Variants in CASZ1 observed in about 807,000 individuals in gnomAD.
The protein encoded by CASZ1 is castor zinc finger 1.
CASZ1 carries 28 observed loss-of-function variants against 135.2 expected under a neutral mutation model. The ratio of observed to expected loss-of-function variants is 0.21; its 90% confidence interval spans 0.15 to 0.28. The LOEUF is 0.28. Ranked by LOEUF, CASZ1 falls within the 10% of genes least tolerant of loss-of-function variation. The pLI is 1.00. For missense variants in CASZ1, 2,161 were observed against 2,453.3 expected (o/e 0.88, Z 2.52); for synonymous variants, 1,068 against 1,073.4 (o/e 0.99, Z 0.10).
chr1:10,642,092 T>C (rs1005476056), intron 20 of CASZ1: 25 of 140,882 alleles, frequency 1.8e-4, no homozygotes, highest in African/African-American at 6.6e-4. Flanking sequence ...GGCGGGAAGC[T>C]GGGCGGGCTG....
chr1:10,754,314 C>T (rs1488265625), intron 2 of CASZ1, among the ~76,000 whole-genome samples: 2 of 152,234 alleles, frequency 1.3e-5, no homozygotes, highest in African/African-American at 4.8e-5. Flanking sequence ...CTCCCTCCAT[C>T]CGAATGTAAA....
At chr1:10,650,908 C>A in intron 12 of CASZ1, 33 bp downstream of exon 12, 1 of 1,607,080 alleles carries the variant, frequency 6.2e-7, no homozygotes. Flanking sequence ...GTGTGGTTCC[C>A]GGGGCTGGCT....
chr1:10,775,844 C>T (rs532431382), intron 1 of CASZ1, among the ~76,000 whole-genome samples: 1 of 152,260 alleles, frequency 6.6e-6, no homozygotes, highest in East Asian at 1.9e-4. Flanking sequence ...GTGACATGCC[C>T]TCCTACACCT....
rs896534152 is a variant in CASZ1, at chr1:10,726,036, G to C, written c.-76-20492C>G. Among the ~76,000 whole-genome samples, 2 of 152,160 alleles carry C rather than the reference G, an allele frequency of 1.3e-5. No homozygotes were observed. Among genetic ancestry groups the C allele is most frequent in the Non-Finnish European group, 2.9e-5 (2 of 68,028 alleles). On this transcript the variant is annotated intron_variant, in intron 2 of 20. Transcript: ENST00000377022. This position sits in a 1 kb window ranked among gnomAD's most constrained non-coding sequence, Gnocchi z 5.7. Reference sequence around the variant, plus strand: ...AGCATTTGCTGAGCAGTCACTATCTGTCAGGGGCTGTACCATCTCATTGAT... The same window carrying C: ...AGCATTTGCTGAGCAGTCACTATCTCTCAGGGGCTGTACCATCTCATTGAT...
chr1:10,653,682 T>C lies in CASZ1; in HGVS notation c.2375A>G (p.Asn792Ser), dbSNP rs144893147. 3.1e-5 allele frequency: 48 copies of C among 1,563,032 alleles called. No individual in the cohort carries two copies. The highest frequency in any genetic ancestry group is 4.5e-5 in the East Asian group (2 of 44,378). Residue 792 changes from asparagine to serine, a missense_variant, in exon 11 of 21, where the codon AAC becomes AGC. This residue lies in a region of CASZ1 where 406 missense variants were observed against 387.6 expected (regional missense o/e 1.05). Coordinates refer to ENST00000377022, the MANE Select transcript of CASZ1 (RefSeq NM_001079843.3). ...GSIPLALALS[N>S]SGLPTPTPYF... The stretch of plus-strand genomic sequence containing the variant: ...GGGCGTGGGGGTGGGCAGGCCCGAG[T>C]TGGAGAGGGCCAGGGCCAGGGGGAT...
At chr1:10,712,023 G>A (rs996799285) in intron 2 of CASZ1, among the ~76,000 whole-genome samples, 1 of 152,192 alleles carries the variant, frequency 6.6e-6, no homozygotes, top group Non-Finnish European at 1.5e-5. Flanking sequence ...CTCTGCAAAC[G>A]TACTTGATGC....
At chr1:10,749,921 G>A (rs1640118693) in intron 2 of CASZ1, among the ~76,000 whole-genome samples, 1 of 152,170 alleles carries the variant, frequency 6.6e-6, no homozygotes, top group Non-Finnish European at 1.5e-5. Flanking sequence ...GCTCACACGG[G>A]TCTCCGGAGC....
chr1:10,672,906 G>A (rs1054412551), intron 4 of CASZ1, among the ~76,000 whole-genome samples: 4 of 152,178 alleles, frequency 2.6e-5, no homozygotes, highest in Admixed American at 2.0e-4. Context: ...TTAATTTTGC[G>A]ATTTGGGGCA....
Position 10,657,352 on chromosome 1 carries a change from T to A in CASZ1, c.1410-616A>T, listed in dbSNP as rs1642839162. Among the ~76,000 whole-genome samples the A allele has an allele frequency of 6.6e-6, 1 of 152,114 alleles. No homozygotes were observed. Among genetic ancestry groups the A allele is most frequent in the African/African-American group, 2.4e-5 (1 of 41,418 alleles). On this transcript the variant is annotated intron_variant, in intron 7 of 20. Transcript: ENST00000377022. The surrounding 1 kb of genome is among the most constrained non-coding windows in gnomAD (Gnocchi z 5.7). ...TGGGACGTGGCTCCCACAGCCTCGGTGACGGCCGGCCGTGGGGAGGCCACT... is the reference window on the plus strand; with the variant it reads ...TGGGACGTGGCTCCCACAGCCTCGGAGACGGCCGGCCGTGGGGAGGCCACT...
In CASZ1 at chr1:10,694,049, C is replaced by T. The variant is rs1301032110; in HGVS notation, c.-23-137G>A. 1.4e-6 allele frequency: 1 copy of T among 722,808 alleles called. No homozygotes were observed. The allele number at this position is 722,808 out of a possible 1,614,324, so 44.8% of individuals were successfully genotyped here. The stretch of plus-strand genomic sequence containing the variant: ...TCCCGGGCGGGCGCCGAGGCCGCGG[C>T]GGAGAAACTTTCTCCTCCGCGCCGC... On this transcript the variant is annotated intron_variant, in intron 3 of 20. Coordinates refer to ENST00000377022, the MANE Select transcript of CASZ1 (RefSeq NM_001079843.3). This position sits in a 1 kb window ranked among gnomAD's most constrained non-coding sequence, Gnocchi z 6.6.
In CASZ1 at chr1:10,647,679, CAGAGAGGCTGGGG is replaced by C; in HGVS notation, c.3497+109_3497+121del. ...AGGACATCACCCGATGGCCATGCCCCAGAGAGGCTGGGGACAGCAGCACCATCCGCAGTGAGGA... is the reference window on the plus strand; with the variant it reads ...AGGACATCACCCGATGGCCATGCCCCACAGCAGCACCATCCGCAGTGAGGA... On this transcript the variant is annotated intron_variant, in intron 16 of 20. Coordinates refer to ENST00000377022, the MANE Select transcript of CASZ1 (RefSeq NM_001079843.3). This position sits in a 1 kb window ranked among gnomAD's most constrained non-coding sequence, Gnocchi z 4.9. 1 of 1,518,976 alleles carries C rather than the reference CAGAGAGGCTGGGG, an allele frequency of 6.6e-7. No homozygotes were observed. The allele number at this position is 1,518,976 out of a possible 1,614,324, so 94.1% of individuals were successfully genotyped here.
intron 17 of CASZ1, among the ~76,000 whole-genome samples, 160 bp from the exon 18 acceptor site, chr1:10,645,248 G>A (rs1189256559): frequency 2.0e-5 from 3 of 152,204 alleles, no homozygotes; most frequent in African/African-American, 7.2e-5. Flanking sequence ...AAGCAGCGCA[G>A]GGCCGGGCGC....
intron 4 of CASZ1, among the ~76,000 whole-genome samples, chr1:10,669,332 GT>G (rs1237502760): frequency 1.1e-4 from 16 of 152,236 alleles, no homozygotes; most frequent in African/African-American, 3.9e-4. Flanking sequence ...CCCCTGCCCC[GT>G]CCCCTCCTCA....
chr1:10,750,070 G>A (rs1431629600), intron 2 of CASZ1, among the ~76,000 whole-genome samples: 2 of 152,144 alleles, frequency 1.3e-5, no homozygotes, highest in East Asian at 1.9e-4. Flanking sequence ...ATTGCATGAC[G>A]AACTGGCAGG....
At chr1:10,681,958 C>A (rs1027310219) in intron 4 of CASZ1, among the ~76,000 whole-genome samples, 1 of 152,234 alleles carries the variant, frequency 6.6e-6, no homozygotes, top group Non-Finnish European at 1.5e-5. Context: ...CATTTCTCGG[C>A]GAGAGGAACA....
intron 4 of CASZ1, among the ~76,000 whole-genome samples, chr1:10,680,471 C>T (rs1340030594): frequency 1.3e-5 from 2 of 152,216 alleles, no homozygotes; most frequent in Non-Finnish European, 2.9e-5. Context: ...CAAATATATC[C>T]TGAGCAGCTA....
intron 1 of CASZ1, among the ~76,000 whole-genome samples, chr1:10,795,931 G>C (rs1043679076): frequency 6.6e-6 from 1 of 152,110 alleles, no homozygotes; most frequent in African/African-American, 2.4e-5. Flanking sequence ...CCGGGCACAA[G>C]AGCCGGCTGG....
intron 5 of CASZ1, among the ~76,000 whole-genome samples, chr1:10,664,308 C>T (rs1643154603): frequency 6.6e-6 from 1 of 152,006 alleles, no homozygotes; most frequent in East Asian, 1.9e-4. Context: ...GGGCTGTGGT[C>T]CTGGCGACCC....
rs1331671144 is a variant in CASZ1, at chr1:10,676,307, G to T, written c.17-10736C>A. 6.6e-6 allele frequency among the ~76,000 whole-genome samples: 1 copy of T among 151,952 alleles called. No homozygotes were observed. Among genetic ancestry groups the T allele is most frequent in the Non-Finnish European group, 1.5e-5 (1 of 67,976 alleles). On this transcript the variant is annotated intron_variant, in intron 4 of 20. Transcript: ENST00000377022. The surrounding 1 kb of genome is among the most constrained non-coding windows in gnomAD (Gnocchi z 4.5). ...GAAGCCCTGGGCTCCCGCTATTGTC[G>T]GCCACGTTGAGGGAGGGCCCCTGCC...
Sources: allele counts gnomAD v4.1 joint callset (sites outside exome capture counted in the v4.1 genomes callset), GRCh38; gene constraint gnomAD v4.1.1; regional missense constraint gnomAD v4.1.1; non-coding constraint Gnocchi (gnomAD v3.1); transcripts MANE v1.5; gene names NCBI Gene and HGNC (gene_info 2026-07-23, HGNC 2026-07-21).